FSTL4: variants seen among roughly 807,000 people sequenced by gnomAD.
The protein encoded by FSTL4 is follistatin-related protein 4.
A neutral mutation model predicts 78.2 loss-of-function variants in FSTL4; 28 were observed. The ratio of observed to expected loss-of-function variants is 0.36; its 90% CI spans 0.27 to 0.49. The LOEUF (loss-of-function observed/expected upper bound fraction) is 0.49. FSTL4 is among the 20% of genes least tolerant of loss of function. The probability of loss-of-function intolerance (pLI) is 0.98; values close to 1 mark genes in which losing one functional copy is unlikely to be tolerated. For synonymous variants in FSTL4, 422 were observed against 440.5 expected, an observed-to-expected ratio of 0.96 and a Z score of 0.53; for missense variants, 922 against 1,084.9, an observed-to-expected ratio of 0.85 and a Z score of 2.11.
intron 1 of FSTL4, among the ~76,000 whole-genome samples, chr5:133,607,529 G>A (rs1269276567): frequency 6.6e-6 from 1 of 152,186 alleles, no homozygotes; most frequent in Non-Finnish European, 1.5e-5. Flanking sequence ...ACTCTGCCAA[G>A]GCCATGTGGC....
At chr5:133,730,043 A>G in the FSTL4 span, among the ~76,000 whole-genome samples, 1 of 152,188 alleles carries the variant, frequency 6.6e-6, no homozygotes, top group East Asian at 1.9e-4. Flanking sequence ...CTGCTTGTCC[A>G]CTTCTCAGAT....
At chr5:133,638,720 T>A in the FSTL4 span, among the ~76,000 whole-genome samples, 1 of 152,196 alleles carries the variant, frequency 6.6e-6, no homozygotes, top group Non-Finnish European at 1.5e-5. Context: ...TTTTGCTTAT[T>A]TCTTTTGTTT....
chr5:133,456,258 C>G (rs892001130), intron 3 of FSTL4, among the ~76,000 whole-genome samples: 2 of 152,240 alleles, frequency 1.3e-5, no homozygotes, highest in African/African-American at 4.8e-5. Context: ...CCCAAACCTC[C>G]TGGTGGGTGG....
the FSTL4 span, among the ~76,000 whole-genome samples, chr5:133,724,915 G>A: frequency 1.3e-5 from 2 of 152,242 alleles, no homozygotes; most frequent in African/African-American, 4.8e-5. Context: ...AAAAGTTGAG[G>A]TTCATTATTT....
chr5:133,750,905 G>A, the FSTL4 span, among the ~76,000 whole-genome samples: 1 of 152,010 alleles, frequency 6.6e-6, no homozygotes, highest in Non-Finnish European at 1.5e-5. Flanking sequence ...ACAGCCCTGA[G>A]AACGCATCCC....
intron 3 of FSTL4, among the ~76,000 whole-genome samples, chr5:133,448,119 A>G (rs1757304025): frequency 6.6e-6 from 1 of 152,246 alleles, no homozygotes; most frequent in Admixed American, 6.5e-5. Flanking sequence ...TAAATTAAGC[A>G]CTATCAGTAA....
At chr5:133,429,364 G>A (rs530103181) in intron 3 of FSTL4, among the ~76,000 whole-genome samples, 2 of 152,124 alleles carry the variant, frequency 1.3e-5, no homozygotes, top group African/African-American at 4.8e-5. Flanking sequence ...ATCTCACAAG[G>A]GAGGTAGAAA....
intron 3 of FSTL4, among the ~76,000 whole-genome samples, chr5:133,501,791 G>A (rs62374578): frequency 0.18 from 27,299 of 152,170 alleles, 2,534 homozygotes; most frequent in African/African-American, 0.19. Flanking sequence ...AACTTCCAGT[G>A]CCTGTGAATA....
intron 2 of FSTL4, among the ~76,000 whole-genome samples, chr5:133,578,120 A>G (rs1315545948): frequency 6.6e-6 from 1 of 152,276 alleles, no homozygotes; most frequent in Non-Finnish European, 1.5e-5. Context: ...CAAAAGGAAG[A>G]GATCATGTCA....
chr5:133,557,078 G>T (rs1266748989), intron 3 of FSTL4, among the ~76,000 whole-genome samples: 1 of 152,168 alleles, frequency 6.6e-6, no homozygotes. Flanking sequence ...CTACCCTAGG[G>T]GACAGGGCAA....
At chr5:133,802,296 A>G in the FSTL4 span, among the ~76,000 whole-genome samples, 2 of 152,224 alleles carry the variant, frequency 1.3e-5, no homozygotes, top group Admixed American at 1.3e-4. Flanking sequence ...GAACTAAGGA[A>G]TCAAGGAAAG....
chr5:133,716,892 G>A, the FSTL4 span, among the ~76,000 whole-genome samples: 1 of 152,172 alleles, frequency 6.6e-6, no homozygotes, highest in Admixed American at 6.5e-5. Flanking sequence ...TTACTGAATT[G>A]GAATAATAGC....
intron 4 of FSTL4, among the ~76,000 whole-genome samples, chr5:133,339,619 T>C (rs959820431): frequency 3.3e-5 from 5 of 152,164 alleles, no homozygotes; most frequent in African/African-American, 1.2e-4. Context: ...ACACATGGCT[T>C]TGTCCAGAGT....
chr5:133,677,055 A>C, the FSTL4 span, among the ~76,000 whole-genome samples: 6 of 152,250 alleles, frequency 3.9e-5, no homozygotes, highest in Non-Finnish European at 8.8e-5. Context: ...GTCATGTTTC[A>C]TTAGTACATT....
At chr5:133,643,658 T>C in the FSTL4 span, among the ~76,000 whole-genome samples, 1 of 152,194 alleles carries the variant, frequency 6.6e-6, no homozygotes, top group Non-Finnish European at 1.5e-5. Context: ...CAGATGCTCC[T>C]TGCATAAGCA....
At chr5:133,538,210 C>T (rs1475873669) in intron 3 of FSTL4, among the ~76,000 whole-genome samples, 2 of 152,056 alleles carry the variant, frequency 1.3e-5, no homozygotes, top group Non-Finnish European at 2.9e-5. Context: ...GGAACAGTTC[C>T]TCAGCCTTTC....
At chr5:133,648,345 T>G in the FSTL4 span, among the ~76,000 whole-genome samples, 1 of 152,222 alleles carries the variant, frequency 6.6e-6, no homozygotes, top group South Asian at 2.1e-4. Context: ...GGGGCAGCTT[T>G]GAATTGCTGC....
the FSTL4 span, among the ~76,000 whole-genome samples, chr5:133,684,380 C>T: frequency 7.9e-5 from 12 of 152,216 alleles, no homozygotes; most frequent in Non-Finnish European, 1.5e-4. Flanking sequence ...TTATTGGTTG[C>T]ATGCCTCTAG....
At chr5:133,218,531 A>T (rs1750988334) in intron 12 of FSTL4, among the ~76,000 whole-genome samples, 1 of 152,138 alleles carries the variant, frequency 6.6e-6, no homozygotes, top group South Asian at 2.1e-4. Flanking sequence ...AGTCTTTCCT[A>T]CAAGGCCCTC....
Sources: allele counts gnomAD v4.1 joint callset (sites outside exome capture counted in the v4.1 genomes callset), GRCh38; gene constraint gnomAD v4.1.1; transcripts MANE v1.5; gene names NCBI Gene and HGNC (gene_info 2026-07-23, HGNC 2026-07-21).